Variants in WDFY4 observed in about 807,000 individuals in gnomAD.
WDFY4 encodes WD repeat- and FYVE domain-containing protein 4.
A neutral mutation model predicts 351.9 loss-of-function variants in WDFY4; 169 were observed. The observed-to-expected ratio is 0.48, with a 90% CI of 0.42 to 0.55. The LOEUF is 0.55. Among genes scored for constraint, WDFY4 ranks in the 20% least tolerant of loss-of-function variants. WDFY4 has a pLI of 0.00. For missense variants in WDFY4, 3,803 were observed against 3,935.6 expected, an observed-to-expected ratio of 0.97 and a Z score of 0.90; for synonymous variants, 1,622 against 1,574.6, an observed-to-expected ratio of 1.03 and a Z score of -0.71.
intron 55 of WDFY4, chr10:48,966,993 GCA>G: frequency 3.0e-6 from 1 of 338,562 alleles, no homozygotes; most frequent in Non-Finnish European, 5.4e-6. Context: ...TTTTATACAT[GCA>G]CACACACATG....
rs565653482 is a variant in WDFY4 at position 48,847,041 on chromosome 10, G to C, written c.6663+14332G>C. Among the ~76,000 whole-genome samples the C allele has an allele frequency of 1.7e-3, 264 of 152,268 alleles. 1 individual carries two copies. Among genetic ancestry groups the C allele is most frequent in the Non-Finnish European group, 2.9e-3 (195 of 68,020 alleles). ...GTGAAAGTTCCTATATTAGTTTCCTGGGACAGCCATAGCAAAGTACCCCAG... is the reference window on the plus strand; with the variant it reads ...GTGAAAGTTCCTATATTAGTTTCCTCGGACAGCCATAGCAAAGTACCCCAG... On this transcript the variant is annotated intron_variant, in intron 39 of 61. Transcript: ENST00000325239.
intron 43 of WDFY4, among the ~76,000 whole-genome samples, chr10:48,887,592 C>A (rs1390073679): frequency 2.6e-5 from 4 of 152,262 alleles, no homozygotes; most frequent in African/African-American, 4.8e-5. Context: ...TCCTGGCTAA[C>A]ACGGTGAAAC....
chr10:48,751,579 C>G (rs1386492727), intron 12 of WDFY4, among the ~76,000 whole-genome samples: 1 of 152,048 alleles, frequency 6.6e-6, no homozygotes, highest in African/African-American at 2.4e-5. Context: ...GGTGCTAGTC[C>G]CTGAGAGAGA....
At chr10:48,933,369 C>T (rs1004925921) in intron 47 of WDFY4, among the ~76,000 whole-genome samples, 1 of 152,234 alleles carries the variant, frequency 6.6e-6, no homozygotes, top group Non-Finnish European at 1.5e-5. Flanking sequence ...GCGCATGCCT[C>T]GACTGGAGCC....
rs566288997 is a variant in WDFY4, at chr10:48,820,279, G to A, written c.5551G>A (p.Ala1851Thr). Residue 1851 changes from alanine to threonine, a missense_variant, in exon 33 of 62, where the codon GCA becomes ACA. Ala to Thr is a moderately conservative substitution (Grantham distance 58). This residue lies in a region of WDFY4 where 3,054 missense variants were observed against 3,148.6 expected (regional missense o/e 0.97). Coordinates refer to ENST00000325239, the MANE Select transcript of WDFY4 (RefSeq NM_001394531.1). ...STRNTSSPEAAAEGDSTVEGL... is the reference protein window; with the variant it reads ...STRNTSSPEATAEGDSTVEGL... Reference sequence around the variant, plus strand: ...CCGGAACACCAGCAGTCCTGAGGCCGCAGCTGAAGGCGACAGCACAGTGGA... The same window carrying A: ...CCGGAACACCAGCAGTCCTGAGGCCACAGCTGAAGGCGACAGCACAGTGGA... 1.1e-4 allele frequency: 172 copies of A among 1,551,672 alleles called. 1 individual carries two copies. The South Asian group carries it at 1.7e-3, about 15-fold the overall frequency.
intron 6 of WDFY4, 112 bp from the exon 7 acceptor site, chr10:48,727,358 A>G: frequency 4.4e-6 from 5 of 1,137,542 alleles, no homozygotes; most frequent in Non-Finnish European, 6.1e-6. Flanking sequence ...TTTTGGATTA[A>G]TTCCCATTCA....
chr10:48,896,495 C>G (rs1837083738), intron 44 of WDFY4, among the ~76,000 whole-genome samples: 1 of 152,200 alleles, frequency 6.6e-6, no homozygotes, highest in Non-Finnish European at 1.5e-5. Flanking sequence ...CATCACTCTA[C>G]AGTCTCAGTG....
At chr10:48,857,339 C>CAT (rs562668368) in intron 39 of WDFY4, among the ~76,000 whole-genome samples, 3 of 150,648 alleles carry the variant, frequency 2.0e-5, no homozygotes, top group Non-Finnish European at 3.0e-5. Context: ...GTGAAAATAG[C>CAT]TTTTTTTTTC....
Position 48,944,430 on chromosome 10 carries a change from G to A in WDFY4, c.7749+981G>A, listed in dbSNP as rs114004501. ...CAGGGTGATTTCTGTGCTTCTATGG[G>A]GACAACCAAACTATGGAGCAGTGTC... is the stretch of plus-strand genomic sequence containing the variant. On this transcript the variant is annotated intron_variant, in intron 49 of 61. Coordinates refer to ENST00000325239, the MANE Select transcript of WDFY4 (RefSeq NM_001394531.1). Among the ~76,000 whole-genome samples the A allele has an allele frequency of 3.5e-3, 531 of 152,302 alleles. 8 individuals are homozygous for A. The highest frequency in any genetic ancestry group is 0.012 in the African/African-American group (504 of 41,558).
chr10:48,808,254 G>A (rs1253247453), intron 28 of WDFY4, among the ~76,000 whole-genome samples: 2 of 152,144 alleles, frequency 1.3e-5, no homozygotes, highest in Non-Finnish European at 2.9e-5. Flanking sequence ...TGGCAGTTGT[G>A]ACAATTACTG....
intron 47 of WDFY4, among the ~76,000 whole-genome samples, chr10:48,924,617 T>C (rs1839414972): frequency 6.6e-6 from 1 of 152,236 alleles, no homozygotes; most frequent in South Asian, 2.1e-4. Flanking sequence ...TTTGTTCTTG[T>C]ACAATTTTTT....
At chr10:48,815,632 G>A (rs950012710) in intron 31 of WDFY4, among the ~76,000 whole-genome samples, 1 of 151,850 alleles carries the variant, frequency 6.6e-6, no homozygotes, top group Non-Finnish European at 1.5e-5. Context: ...GCTAATTTTT[G>A]TATTTTTGTA....
intron 47 of WDFY4, among the ~76,000 whole-genome samples, chr10:48,906,733 AG>A (rs1837635794): frequency 6.6e-6 from 1 of 152,260 alleles, no homozygotes; most frequent in Non-Finnish European, 1.5e-5. Context: ...ATGCCCTTCC[AG>A]AAAGGGCTAC....
At chr10:48,861,684 G>A (rs1359267356) in intron 39 of WDFY4, among the ~76,000 whole-genome samples, 3 of 152,068 alleles carry the variant, frequency 2.0e-5, no homozygotes, top group Non-Finnish European at 4.4e-5. Flanking sequence ...ATTTCTATGG[G>A]TCTGTCTTGT....
At chr10:48,728,754 T>A (rs1281266956) in intron 7 of WDFY4, among the ~76,000 whole-genome samples, 1 of 152,282 alleles carries the variant, frequency 6.6e-6, no homozygotes, top group Non-Finnish European at 1.5e-5. Context: ...CACGGAGGTC[T>A]GTGTCATAGC....
intron 32 of WDFY4, among the ~76,000 whole-genome samples, chr10:48,818,099 G>A (rs978394760): frequency 2.6e-5 from 4 of 152,220 alleles, no homozygotes; most frequent in African/African-American, 9.6e-5. Context: ...GAGGACTAAA[G>A]AAGAAGGTCA....
In WDFY4 at chr10:48,776,779, GGGCCCTGGC is replaced by G. The variant is rs574411066; in HGVS notation, c.2894_2902del (p.Gly965_Pro968delinsAla). 4,371 of 1,550,046 alleles carry G rather than the reference GGGCCCTGGC, an allele frequency of 2.8e-3. 9 individuals are homozygous for G. Among genetic ancestry groups the G allele is most frequent in the Non-Finnish European group, 3.4e-3 (3,929 of 1,146,498 alleles). ...ACAGACTGCACAGGGCTTGGCTGAGGGGCCCTGGCCAGCTGCCCCAGATGCTGGGCTGCA... is the reference window on the plus strand; with the variant it reads ...ACAGACTGCACAGGGCTTGGCTGAGGCAGCTGCCCCAGATGCTGGGCTGCA... On this transcript the variant is annotated inframe_deletion, in exon 16 of 62. Transcript: ENST00000325239.
chr10:48,721,549 T>C (rs1304410443), intron 4 of WDFY4, among the ~76,000 whole-genome samples, 182 bp downstream of exon 4: 1 of 152,230 alleles, frequency 6.6e-6, no homozygotes, highest in Non-Finnish European at 1.5e-5. Flanking sequence ...AATTCCCACC[T>C]TCCCAGTTGA....
chr10:48,842,270 T>A (rs186806815), intron 39 of WDFY4, among the ~76,000 whole-genome samples: 36 of 151,756 alleles, frequency 2.4e-4, no homozygotes, highest in African/African-American at 8.2e-4. Flanking sequence ...TCAATGTGGG[T>A]GCGGGAAGCT....
Sources: allele counts gnomAD v4.1 joint callset (sites outside exome capture counted in the v4.1 genomes callset), GRCh38; gene constraint gnomAD v4.1.1; regional missense constraint gnomAD v4.1.1; transcripts MANE v1.5; gene names NCBI Gene and HGNC (gene_info 2026-07-23, HGNC 2026-07-21).